CD36: variants seen among roughly 807,000 people sequenced by gnomAD.
The protein encoded by CD36 is platelet glycoprotein 4.
Under a neutral mutation model 55.2 loss-of-function variants are expected in CD36, and 119 were observed. The observed-to-expected ratio is 2.15, with a 90% CI of 1.86 to 2.51. CD36 has a LOEUF of 2.51. Among genes scored for constraint, CD36 ranks in the 30% most tolerant of loss-of-function variants. The pLI is 0.00. For missense variants in CD36, 819 were observed against 555.5 expected (o/e 1.47, Z -4.77); for synonymous variants, 186 against 193.6 (o/e 0.96, Z 0.33).
At chr7:80,667,742 C>CTTTTTTTT (rs1554344704) in intron 8 of CD36, among the ~76,000 whole-genome samples, 2 of 92,956 alleles carry the variant, frequency 2.2e-5, no homozygotes, top group African/African-American at 3.8e-5. Context: ...CAGGGGTTTT[C>CTTTTTTTT]TTTTGTTTTT....
intron 1 of CD36, among the ~76,000 whole-genome samples, chr7:80,607,610 T>C (rs1050288921): frequency 6.6e-6 from 1 of 152,178 alleles, no homozygotes; most frequent in African/African-American, 2.4e-5. Flanking sequence ...ACTTTCTAAG[T>C]GATATTATCA....
intron 1 of CD36, among the ~76,000 whole-genome samples, chr7:80,618,359 T>C (rs998598717): frequency 6.6e-6 from 1 of 152,152 alleles, no homozygotes; most frequent in African/African-American, 2.4e-5. Context: ...ATATTGAAAC[T>C]AGGTCAATTT....
chr7:80,637,692 C>T (rs1794522113), upstream of CD36, among the ~76,000 whole-genome samples: 1 of 151,816 alleles, frequency 6.6e-6, no homozygotes, highest in Admixed American at 6.6e-5. Context: ...ACCTAATGAA[C>T]TAAATATATT....
intron 1 of CD36, among the ~76,000 whole-genome samples, chr7:80,626,704 A>G (rs1226432133): frequency 1.3e-5 from 2 of 152,066 alleles, no homozygotes; most frequent in East Asian, 3.9e-4. Flanking sequence ...CTGATACACA[A>G]ATGTATTAGA....
chr7:80,632,005 G>A (rs1794097373), intron 1 of CD36, among the ~76,000 whole-genome samples: 1 of 151,784 alleles, frequency 6.6e-6, no homozygotes, highest in Admixed American at 6.6e-5. Context: ...ATTCATTTGA[G>A]AAGTAGCACT....
intron 1 of CD36, among the ~76,000 whole-genome samples, chr7:80,622,510 G>A (rs1159501285): frequency 6.6e-6 from 1 of 152,092 alleles, no homozygotes; most frequent in African/African-American, 2.4e-5. Context: ...AGTGGACACA[G>A]AAAAAAGAGC....
Position 80,664,452 on chromosome 7 carries a change from A to T in CD36, c.656A>T (p.Asp219Val), listed in dbSNP as rs768230809. The stretch of plus-strand genomic sequence containing the variant: ...GTTTATAAAGTTTTCAATGGAAAAG[A>T]TAACATAAGTAAAGTTGCCATAATC... The part of the protein sequence containing the change: ...DGVYKVFNGK[D>V]NISKVAIIDT... Residue 219 changes from aspartate (D) to valine (V), a missense_variant, in exon 7 of 15, where the codon GAT becomes GTT. Coordinates refer to ENST00000447544, the MANE Select transcript of CD36 (RefSeq NM_001001548.3). 1 of 1,583,854 alleles carries T rather than the reference A, an allele frequency of 6.3e-7. No individual in the cohort carries two copies. The highest frequency in any genetic ancestry group is 8.7e-7 in the Non-Finnish European group (1 of 1,152,704).
intron 4 of CD36, among the ~76,000 whole-genome samples, chr7:80,660,123 G>A (rs3211886): frequency 0.29 from 43,481 of 151,954 alleles, 6,982 homozygotes; most frequent in South Asian, 0.44. Flanking sequence ...CACTTCACAG[G>A]CATTCAAATA....
intron 1 of CD36, among the ~76,000 whole-genome samples, chr7:80,612,945 C>T (rs1792955393): frequency 6.6e-6 from 1 of 152,066 alleles, no homozygotes; most frequent in African/African-American, 2.4e-5. Context: ...TGATTCAAGT[C>T]TGTGATTGAA....
At chr7:80,662,643 G>A (rs1243573098) in intron 5 of CD36, 1 of 328,314 alleles carries the variant, frequency 3.0e-6, no homozygotes, top group Non-Finnish European at 5.9e-6. Flanking sequence ...TGTTACATAG[G>A]TATACATGTG....
chr7:80,631,518 A>G (rs1444229697), intron 1 of CD36, among the ~76,000 whole-genome samples: 1 of 151,924 alleles, frequency 6.6e-6, no homozygotes, highest in Non-Finnish European at 1.5e-5. Flanking sequence ...TGGAAATTCC[A>G]AAGTGAAGGT....
At position 80,671,060 on chromosome 7, in the gene CD36, C is replaced by G. The variant is rs766712972; in HGVS notation, c.902C>G (p.Ala301Gly). ...YRFVLPSKAF[A>G]SPVENPDNYC... ...TTTGTTCTTCCATCCAAGGCCTTTG[C>G]CTCTCCAGTTGAAAACCCAGACAAC... Residue 301 changes from alanine (A) to glycine (G), a missense_variant, in exon 10 of 15, where the codon GCC becomes GGC. Physicochemically the swap from Ala to Gly is moderately conservative, Grantham distance 60. Coordinates refer to ENST00000447544, the MANE Select transcript of CD36 (RefSeq NM_001001548.3). 6 of 1,611,888 alleles carry G rather than the reference C, an allele frequency of 3.7e-6. No homozygotes were observed. The Admixed American group carries it at 1.0e-4, about 27-fold the overall frequency.
At chr7:80,662,076 A>G (rs1584421859) in intron 5 of CD36, among the ~76,000 whole-genome samples, 1 of 152,218 alleles carries the variant, frequency 6.6e-6, no homozygotes, top group East Asian at 1.9e-4. Context: ...AGAAAAATAG[A>G]AAACGGAAAC....
rs79379026 is a variant in CD36, at chr7:80,629,208, C to G, written c.-183-16880C>G. Among the ~76,000 whole-genome samples the G allele has an allele frequency of 8.2e-3, 1,254 of 152,110 alleles. 57 individuals carry two copies. In the East Asian group the frequency reaches 0.1, roughly 12 times the overall value. On this transcript the variant is annotated intron_variant, in intron 1 of 13. Transcript: ENST00000309881. ...CTGGCTCTTCTTAACTTTCTCTGCTCTCTCCTTATTTGGATGGTAGGTTTG... is the reference window on the plus strand; with the variant it reads ...CTGGCTCTTCTTAACTTTCTCTGCTGTCTCCTTATTTGGATGGTAGGTTTG...
intron 9 of CD36, chr7:80,670,392 A>T (rs544444764): frequency 3.6e-6 from 1 of 278,710 alleles, no homozygotes; most frequent in South Asian, 4.1e-5. Context: ...TGGAGCCTTT[A>T]CCACTACCCT....
chr7:80,672,061 TC>T, intron 11 of CD36, 21 bp downstream of exon 11: 1 of 1,571,462 alleles, frequency 6.4e-7, no homozygotes, highest in Non-Finnish European at 8.7e-7. Context: ...ACCTTATTGA[TC>T]TGATTTGGTT....
chr7:80,602,589 C>A (rs1194222513), intron 1 of CD36, among the ~76,000 whole-genome samples: 1 of 152,116 alleles, frequency 6.6e-6, no homozygotes, highest in Non-Finnish European at 1.5e-5. Flanking sequence ...TTAAACCTCA[C>A]ATATCCACAA....
intron 1 of CD36, among the ~76,000 whole-genome samples, chr7:80,645,690 A>G (rs909009357): frequency 6.6e-6 from 1 of 152,148 alleles, no homozygotes; most frequent in African/African-American, 2.4e-5. Flanking sequence ...TGACAAATAT[A>G]TACTAACACA....
At chr7:80,648,050 A>T (rs535617398) in intron 3 of CD36, among the ~76,000 whole-genome samples, 1 of 152,294 alleles carries the variant, frequency 6.6e-6, no homozygotes, top group East Asian at 1.9e-4. Context: ...TATTGCTAAC[A>T]TATTGCAGAA....
Sources: allele counts gnomAD v4.1 joint callset (sites outside exome capture counted in the v4.1 genomes callset), GRCh38; gene constraint gnomAD v4.1.1; transcripts MANE v1.5; gene names NCBI Gene and HGNC (gene_info 2026-07-23, HGNC 2026-07-21).